The following CALCRL variants were observed in gnomAD, a reference collection of about 807,000 sequenced individuals.
The protein encoded by CALCRL is calcitonin gene-related peptide type 1 receptor.
Under a neutral mutation model 60.4 loss-of-function variants are expected in CALCRL, and 27 were observed. That is an observed-to-expected ratio of 0.45 (90% CI 0.33 to 0.62). The LOEUF is 0.62. Ranked by LOEUF, CALCRL falls within the 20% of genes least tolerant of loss-of-function variation. CALCRL has a pLI of 0.03. For synonymous variants in CALCRL, 190 were observed against 182.6 expected (o/e 1.04, Z -0.33); for missense variants, 424 against 540.7 (o/e 0.78, Z 2.14).
chr2:187,443,920 T>TTG (rs1691046916), intron 1 of CALCRL, among the ~76,000 whole-genome samples: 1 of 151,724 alleles, frequency 6.6e-6, no homozygotes, highest in Non-Finnish European at 1.5e-5. Flanking sequence ...CGGGTTCAAA[T>TTG]TAACACTCAT....
In CALCRL at chr2:187,360,653, C is replaced by T. The variant is rs1311464709; in HGVS notation, c.726G>A (p.Val242=). Reference sequence around the variant, plus strand: ...GTTGCTTCTCTGCAAACACGGCCACCACAATGAGTGTGTGTAGGTAAATGC... The same window carrying T: ...GTTGCTTCTCTGCAAACACGGCCACTACAATGAGTGTGTGTAGGTAAATGC... ...CEGIYLHTLI[V]VAVFAEKQHL... Residue 242 remains valine, a synonymous_variant, in exon 10 of 15, where the codon GTG becomes GTA. Transcript: ENST00000392370. 3 of 1,612,466 alleles carry T rather than the reference C, an allele frequency of 1.9e-6. No homozygotes were observed. The highest frequency in any genetic ancestry group is 2.5e-6 in the Non-Finnish European group (3 of 1,179,096).
chr2:187,383,507 C>T (rs1688069920), intron 4 of CALCRL, among the ~76,000 whole-genome samples: 1 of 152,112 alleles, frequency 6.6e-6, no homozygotes. Flanking sequence ...AATTTCAAAA[C>T]ACCAACAAGA....
intron 1 of CALCRL, among the ~76,000 whole-genome samples, chr2:187,405,708 C>A (rs904060069): frequency 6.6e-6 from 1 of 151,934 alleles, no homozygotes; most frequent in Admixed American, 6.6e-5. Flanking sequence ...AATTAGCACT[C>A]GGTTATTAGT....
chr2:187,399,051 T>C (rs1396329469), intron 1 of CALCRL, among the ~76,000 whole-genome samples: 1 of 151,656 alleles, frequency 6.6e-6, no homozygotes, highest in Non-Finnish European at 1.5e-5. Context: ...TTTTGCATTC[T>C]GATTGTGATT....
rs751677746 is a variant in CALCRL, at chr2:187,379,059, G to A, written c.409-28C>T. 2.0e-5 allele frequency: 26 copies of A among 1,297,444 alleles called. No homozygotes were observed. In the African/African-American group the frequency reaches 3.5e-4, roughly 18 times the overall value. 80.4% of individuals were successfully genotyped at this position (1,297,444 alleles called of 1,614,324 possible). The stretch of plus-strand genomic sequence containing the variant: ...GTAATTTGTATAAACAAAAAAATTT[G>A]GTTCATATCAATACTATAAGTATCT... On this transcript the variant is annotated intron_variant, in intron 7 of 14. Coordinates refer to ENST00000392370, the MANE Select transcript of CALCRL (RefSeq NM_005795.6).
Position 187,363,438 on chromosome 2 carries a change from C to G in CALCRL, c.565G>C (p.Val189Leu), listed in dbSNP as rs769476508. 1.2e-6 allele frequency: 2 copies of G among 1,611,968 alleles called. No individual in the cohort carries two copies. The highest frequency in any genetic ancestry group is 4.5e-5 in the East Asian group (2 of 44,720). ...GCAGTGAGGTGAATGATTGTTACAA[C>G]AGAGTTACAAACAAATGAGAAGAAC... ...NLFFSFVCNS[V>L]VTIIHLTAVA... Residue 189 changes from valine to leucine, a missense_variant, in exon 9 of 15, where the codon GTT becomes CTT. Physicochemically the swap from Val to Leu is conservative, Grantham distance 32 (BLOSUM62 1). Transcript: ENST00000392370.
At chr2:187,354,990 A>C (rs915958261) in intron 12 of CALCRL, among the ~76,000 whole-genome samples, 8 of 152,142 alleles carry the variant, frequency 5.3e-5, no homozygotes, top group African/African-American at 1.9e-4. Flanking sequence ...AATTTCTTCA[A>C]GCTCTCCTCA....
At chr2:187,414,364 A>G (rs1044822490) in intron 1 of CALCRL, among the ~76,000 whole-genome samples, 4 of 152,110 alleles carry the variant, frequency 2.6e-5, no homozygotes, top group African/African-American at 4.8e-5. Context: ...CTCCATTCTT[A>G]ATTATAAAAA....
At chr2:187,382,384 T>C (rs1326056175) in intron 5 of CALCRL, among the ~76,000 whole-genome samples, 2 of 152,194 alleles carry the variant, frequency 1.3e-5, no homozygotes, top group Non-Finnish European at 2.9e-5. Context: ...TTATGAAACT[T>C]TACAAAGATA....
intron 1 of CALCRL, among the ~76,000 whole-genome samples, chr2:187,401,161 G>A (rs571930937): frequency 6.6e-6 from 1 of 151,642 alleles, no homozygotes; most frequent in African/African-American, 2.4e-5. Flanking sequence ...AAGTGTACGG[G>A]TATAGCTTAG....
chr2:187,442,510 C>T (rs1229217126), intron 1 of CALCRL, among the ~76,000 whole-genome samples: 1 of 151,702 alleles, frequency 6.6e-6, no homozygotes, highest in Non-Finnish European at 1.5e-5. Context: ...TCCTATTGCA[C>T]AGGCACTCTT....
intron 4 of CALCRL, 135 bp from the exon 5 acceptor site, chr2:187,383,440 A>G: frequency 1.6e-6 from 1 of 614,454 alleles, no homozygotes. Context: ...CTCTAGGGAA[A>G]AAACCCCAAT....
intron 9 of CALCRL, among the ~76,000 whole-genome samples, chr2:187,362,007 C>T (rs1687075304): frequency 6.6e-6 from 1 of 151,828 alleles, no homozygotes; most frequent in Admixed American, 6.6e-5. Context: ...TCATAAATTT[C>T]AGCTTCAACT....
chr2:187,433,595 G>A (rs1690495877), intron 1 of CALCRL, among the ~76,000 whole-genome samples: 1 of 151,934 alleles, frequency 6.6e-6, no homozygotes, highest in Non-Finnish European at 1.5e-5. Flanking sequence ...AAAAGAAAGA[G>A]CTAATTTTGT....
At position 187,353,204 on chromosome 2, in the gene CALCRL, T is replaced by C. The variant is rs1382163460; in HGVS notation, c.910-872A>G. Among the ~76,000 whole-genome samples the C allele has an allele frequency of 2.0e-5, 3 of 151,944 alleles. No homozygotes were observed. The South Asian group carries it at 6.2e-4, about 31-fold the overall frequency. ...TCTTATTTTCACCCAGTCAATATCT[T>C]TTACTTTGGTCCATTTTCTCTATGC... On this transcript the variant is annotated intron_variant, in intron 12 of 14. Coordinates refer to ENST00000392370, the MANE Select transcript of CALCRL (RefSeq NM_005795.6).
chr2:187,383,131 A>G (rs768744775), intron 5 of CALCRL, 42 bp downstream of exon 5: 1 of 1,590,222 alleles, frequency 6.3e-7, no homozygotes, highest in East Asian at 2.3e-5. Flanking sequence ...TTTTCTTTTA[A>G]AAATATGTCA....
chr2:187,360,713 C>T lies in CALCRL; in HGVS notation c.666G>A (p.Leu222=), dbSNP rs1051545619. 2 of 1,612,236 alleles carry T rather than the reference C, an allele frequency of 1.2e-6. No individual in the cohort carries two copies. Among genetic ancestry groups the T allele is most frequent in the East Asian group, 4.5e-5 (2 of 44,808 alleles). Residue 222 remains leucine (L), a synonymous_variant, in exon 10 of 15, where the codon CTG becomes CTA. Coordinates refer to ENST00000392370, the MANE Select transcript of CALCRL (RefSeq NM_005795.6). The part of the protein sequence containing the change: ...CKVSQFIHLY[L]MGCNYFWMLC... The stretch of plus-strand genomic sequence containing the variant: ...GCATCCAAAAGTAATTACAGCCCAT[C>T]AGGTAAAGATGAATGAACTGGGACA...
At chr2:187,410,901 G>A (rs1036409334) in intron 1 of CALCRL, among the ~76,000 whole-genome samples, 17 of 152,014 alleles carry the variant, frequency 1.1e-4, no homozygotes, top group African/African-American at 4.1e-4. Flanking sequence ...AGGGGGCGGG[G>A]AGAGGTAGGT....
intron 1 of CALCRL, among the ~76,000 whole-genome samples, chr2:187,435,365 C>T (rs1270289827): frequency 6.6e-6 from 1 of 152,078 alleles, no homozygotes; most frequent in Non-Finnish European, 1.5e-5. Context: ...ACTAACTAAG[C>T]GAGAACTCAC....
Sources: gnomAD v4.1 joint callset for allele counts (sites outside exome capture counted in the v4.1 genomes callset) on GRCh38, gnomAD v4.1.1 for gene constraint, MANE v1.5 for transcripts, NCBI Gene and HGNC (gene_info 2026-07-23, HGNC 2026-07-21) for gene names.